DNAH8: variants seen among roughly 807,000 people sequenced by gnomAD.
The protein encoded by DNAH8 is axonemal beta dynein heavy chain 8.
A neutral mutation model predicts 562.1 loss-of-function variants in DNAH8; 382 were observed. That is an observed-to-expected ratio of 0.68 (90% CI 0.63 to 0.74). The LOEUF (loss-of-function observed/expected upper bound fraction) is 0.74. DNAH8 is among the 30% of genes least tolerant of loss of function. The pLI is 0.00. For synonymous variants in DNAH8, 1,881 were observed against 1,919.4 expected, an observed-to-expected ratio of 0.98 and a Z score of 0.52; for missense variants, 5,203 against 5,620.4, an observed-to-expected ratio of 0.93 and a Z score of 2.37.
intron 53 of DNAH8, among the ~76,000 whole-genome samples, chr6:38,880,063 T>A (rs4537134): frequency 0.43 from 65,806 of 151,716 alleles, 15,180 homozygotes; most frequent in East Asian, 0.84. Flanking sequence ...GCCAACATGG[T>A]GAAACCCCGT....
At chr6:38,977,839 C>T (rs961168794) in intron 85 of DNAH8, among the ~76,000 whole-genome samples, 4 of 152,160 alleles carry the variant, frequency 2.6e-5, no homozygotes, top group Non-Finnish European at 4.4e-5. Flanking sequence ...AAGTGGTCTT[C>T]TCAGCCAATT....
chr6:38,883,647 T>C (rs1778683708), intron 55 of DNAH8, among the ~76,000 whole-genome samples, 191 bp downstream of exon 55: 3 of 152,186 alleles, frequency 2.0e-5, no homozygotes, highest in Non-Finnish European at 4.4e-5. Flanking sequence ...TACTTTGACC[T>C]AATATTGAGA....
At chr6:38,999,934 A>AACACGC (rs1554160092) in intron 88 of DNAH8, among the ~76,000 whole-genome samples, 4 of 146,662 alleles carry the variant, frequency 2.7e-5, no homozygotes, top group Non-Finnish European at 6.1e-5. Flanking sequence ...CACACACACA[A>AACACGC]ACACACACAC....
At chr6:38,920,421 T>G (rs1455143811) in intron 70 of DNAH8, among the ~76,000 whole-genome samples, 1 of 152,154 alleles carries the variant, frequency 6.6e-6, no homozygotes, top group African/African-American at 2.4e-5. Flanking sequence ...CCAGAAGGCT[T>G]TGGGCCTAGA....
Position 39,030,192 on chromosome 6 carries a change from C to A in DNAH8, c.13924C>A (p.Leu4642Ile), listed in dbSNP as rs776800713. The A allele has an allele frequency of 6.2e-7, 1 of 1,614,116 alleles. No individual in the cohort carries two copies. Among genetic ancestry groups the A allele is most frequent in the Non-Finnish European group, 8.5e-7 (1 of 1,180,002 alleles). ...GCTCATGGAATCCACCCCCAAGGTA[C>A]TCTTCACGCAGTTACCCGTGCTCCA... is the stretch of plus-strand genomic sequence containing the variant. ...GKLMESTPKV[L>I]FTQLPVLHIF... is the part of the protein sequence containing the mutation. The change falls in exon 93 of 93, where the codon CTC (leucine) becomes ATC (isoleucine). Residue 4642 changes from leucine to isoleucine, a missense_variant. By Grantham distance (5) the Leu-to-Ile change is conservative. Coordinates refer to ENST00000327475, the MANE Select transcript of DNAH8 (RefSeq NM_001206927.2).
chr6:38,928,116 G>T (rs1438320162), intron 74 of DNAH8: 1 of 152,260 alleles, frequency 6.6e-6, no homozygotes, highest in Non-Finnish European at 1.5e-5. Context: ...TATTTACCAA[G>T]TCTCCCTATC....
At chr6:38,953,747 A>T (rs935734767) in intron 82 of DNAH8, among the ~76,000 whole-genome samples, 8 of 152,306 alleles carry the variant, frequency 5.3e-5, no homozygotes, top group Admixed American at 2.6e-4. Flanking sequence ...ATGTTAATGT[A>T]GTCTCAGCTA....
In DNAH8 at chr6:38,778,484, C is replaced by T; in HGVS notation, c.2039+20C>T. ...TCAAAGGTATTCATAACACTTTAAG[C>T]AGAGTAGTTTCTGGGGGGAATAACT... On this transcript the variant is annotated intron_variant, in intron 14 of 92. Transcript: ENST00000327475. The T allele has an allele frequency of 1.4e-6, 2 of 1,438,862 alleles. No homozygotes were observed. The highest frequency in any genetic ancestry group is 1.9e-6 in the Non-Finnish European group (2 of 1,042,048). The allele number at this position is 1,438,862 out of a possible 1,614,324, so 89.1% of individuals were successfully genotyped here. A position where few individuals can be genotyped will look rare whatever the true frequency, so the allele number is the denominator to read the frequency against.
chr6:38,771,432 A>G (rs1458877052), intron 12 of DNAH8, among the ~76,000 whole-genome samples: 1 of 152,198 alleles, frequency 6.6e-6, no homozygotes, highest in Non-Finnish European at 1.5e-5. Flanking sequence ...TTACAACTGT[A>G]CAAGTCAATG....
intron 92 of DNAH8, among the ~76,000 whole-genome samples, chr6:39,028,273 G>A (rs1265652185): frequency 6.6e-6 from 1 of 152,206 alleles, no homozygotes; most frequent in Admixed American, 6.5e-5. Flanking sequence ...TCATAACAAA[G>A]TATCATTACC....
chr6:38,855,569 G>T (rs1019577655), intron 41 of DNAH8, among the ~76,000 whole-genome samples: 6 of 152,050 alleles, frequency 3.9e-5, no homozygotes, highest in African/African-American at 1.5e-4. Flanking sequence ...GTTTTGATGT[G>T]TATAATATGT....
At chr6:38,754,911 G>T (rs1562661706) in intron 9 of DNAH8, among the ~76,000 whole-genome samples, 1 of 151,980 alleles carries the variant, frequency 6.6e-6, no homozygotes, top group Non-Finnish European at 1.5e-5. Flanking sequence ...TAAATTATTA[G>T]TTCTCTCCTT....
chr6:38,819,825 A>C (rs1382891616), intron 26 of DNAH8, among the ~76,000 whole-genome samples: 1 of 152,184 alleles, frequency 6.6e-6, no homozygotes, highest in African/African-American at 2.4e-5. Context: ...TTTTACATTT[A>C]CCAGTAATAC....
chr6:38,976,411 G>T (rs1171971248), intron 85 of DNAH8, among the ~76,000 whole-genome samples: 1 of 152,092 alleles, frequency 6.6e-6, no homozygotes. Context: ...AAATCTCCTG[G>T]GAATTTTAGA....
intron 53 of DNAH8, among the ~76,000 whole-genome samples, chr6:38,882,172 CT>C (rs34521353): frequency 0.43 from 65,565 of 151,980 alleles, 15,070 homozygotes; most frequent in East Asian, 0.84. Context: ...AGAACTTAAA[CT>C]TAGACCTACC....
intron 89 of DNAH8, among the ~76,000 whole-genome samples, chr6:39,010,906 T>C (rs1766172186): frequency 1.3e-5 from 2 of 151,854 alleles, no homozygotes; most frequent in Non-Finnish European, 2.9e-5. Flanking sequence ...GTTGAAGGAC[T>C]TGGGATGGAG....
chr6:38,800,751 G>C (rs2395707), intron 21 of DNAH8, among the ~76,000 whole-genome samples: 1 of 151,880 alleles, frequency 6.6e-6, no homozygotes, highest in Admixed American at 6.6e-5. Flanking sequence ...CCCTGACCTC[G>C]AATGATCTGC....
At chr6:38,874,593 TC>T (rs1378907766) in intron 52 of DNAH8, among the ~76,000 whole-genome samples, 4 of 151,810 alleles carry the variant, frequency 2.6e-5, no homozygotes, top group Non-Finnish European at 5.9e-5. Context: ...TGGTCTAGGC[TC>T]CTGGACTCAA....
At chr6:38,801,605 T>C (rs1487541461) in intron 21 of DNAH8, among the ~76,000 whole-genome samples, 4 of 152,222 alleles carry the variant, frequency 2.6e-5, no homozygotes, top group African/African-American at 9.6e-5. Context: ...CTGAAGTGGC[T>C]TCCAGCCTCC....
Sources: gnomAD v4.1 joint callset for allele counts (sites outside exome capture counted in the v4.1 genomes callset) on GRCh38, gnomAD v4.1.1 for gene constraint, MANE v1.5 for transcripts, NCBI Gene and HGNC (gene_info 2026-07-23, HGNC 2026-07-21) for gene names.